The following NOTCH4 variants were observed in gnomAD, a reference collection of about 807,000 sequenced individuals.
The protein encoded by NOTCH4 is neurogenic locus notch homolog protein 4.
In NOTCH4, 138 loss-of-function variants were observed where a neutral mutation model predicts 189.0. The observed-to-expected ratio is 0.73, with a 90% CI of 0.64 to 0.84. The LOEUF (loss-of-function observed/expected upper bound fraction) is 0.84, where lower values mean the gene tolerates loss of function less well. Among genes scored for constraint, NOTCH4 ranks in the 40% least tolerant of loss-of-function variants. The pLI is 0.00. For synonymous variants in NOTCH4, 942 were observed against 1,032.8 expected (o/e 0.91, Z 1.69); for missense variants, 2,286 against 2,605.4 (o/e 0.88, Z 2.67).
rs888370535 is a variant in NOTCH4 at position 32,199,472 on chromosome 6, A to G, written c.4316-327T>C. Among the ~76,000 whole-genome samples the G allele has an allele frequency of 6.6e-6, 1 of 152,160 alleles. No individual in the cohort carries two copies. Among genetic ancestry groups the G allele is most frequent in the African/African-American group, 2.4e-5 (1 of 41,442 alleles). ...ATAATCTCAGCACTTTGGGAGGCTGAGGCGGGTGGATCATGAGGTCAGGAG... is the reference window on the plus strand; with the variant it reads ...ATAATCTCAGCACTTTGGGAGGCTGGGGCGGGTGGATCATGAGGTCAGGAG... On this transcript the variant is annotated intron_variant, in intron 23 of 29. Coordinates refer to ENST00000375023, the MANE Select transcript of NOTCH4 (RefSeq NM_004557.4). The surrounding 1 kb of genome is among the most constrained non-coding windows in gnomAD (Gnocchi z 4.9).
Position 32,195,868 on chromosome 6 carries a change from A to G in NOTCH4, c.5581T>C (p.Cys1861Arg), listed in dbSNP as rs1452063207. ...PPHGGGALPRCRTLSAGAGPR... is the reference protein window; with the variant it reads ...PPHGGGALPRRRTLSAGAGPR... ...CCTGCTCCGGCTGACAGCGTCCGGC[A>G]GCGCGGCAGAGCCCCGCCCCCATGC... is the stretch of plus-strand genomic sequence containing the variant. Residue 1861 changes from cysteine (C) to arginine (R), a missense_variant, in exon 30 of 30, where the codon TGC becomes CGC. Coordinates refer to ENST00000375023, the MANE Select transcript of NOTCH4 (RefSeq NM_004557.4). This position sits in a 1 kb window ranked among gnomAD's most constrained non-coding sequence, Gnocchi z 5.4. 7 of 1,594,190 alleles carry G rather than the reference A, an allele frequency of 4.4e-6. No individual in the cohort carries two copies. Among genetic ancestry groups the G allele is most frequent in the Non-Finnish European group, 5.9e-6 (7 of 1,177,282 alleles).
At position 32,217,957 on chromosome 6, in the gene NOTCH4, T is replaced by G. The variant is rs546161143; in HGVS notation, c.1624+38A>C. ...CCTGAACTCTGCAGGTTCAGAGGCCTGGGGTCTGAGGGTGGCCAGAGAGGC... is the reference window on the plus strand; with the variant it reads ...CCTGAACTCTGCAGGTTCAGAGGCCGGGGGTCTGAGGGTGGCCAGAGAGGC... On this transcript the variant is annotated intron_variant, in intron 9 of 29. Coordinates refer to ENST00000375023, the MANE Select transcript of NOTCH4 (RefSeq NM_004557.4). The surrounding 1 kb of genome is among the most constrained non-coding windows in gnomAD (Gnocchi z 4.2). 1.2e-5 allele frequency: 17 copies of G among 1,371,214 alleles called. No homozygotes were observed. The highest frequency in any genetic ancestry group is 1.8e-5 in the Non-Finnish European group (17 of 962,492). The allele number at this position is 1,371,214 out of a possible 1,614,324, so 84.9% of individuals were successfully genotyped here.
Position 32,223,793 on chromosome 6 carries a change from C to T in NOTCH4, c.73+63G>A. ...GGCCTGGGGCTTGGCCCTCTTCCCC[C>T]ACCCCACTGATCATCCTCCTAAGGG... is the stretch of plus-strand genomic sequence containing the variant. On this transcript the variant is annotated intron_variant, in intron 1 of 29. Transcript: ENST00000375023. 2.6e-6 allele frequency: 4 copies of T among 1,531,720 alleles called. No homozygotes were observed. In the South Asian group the frequency reaches 3.5e-5, roughly 13 times the overall value. 94.9% of individuals were successfully genotyped at this position (1,531,720 alleles called of 1,614,324 possible). A position where few individuals can be genotyped will look rare whatever the true frequency, so the allele number is the denominator to read the frequency against.
chr6:32,204,236 C>T lies in NOTCH4; in HGVS notation c.3019G>A (p.Val1007Met), dbSNP rs764666860. 23 of 1,612,948 alleles carry T rather than the reference C, an allele frequency of 1.4e-5. 1 individual carries two copies. In the Admixed American group the frequency reaches 2.0e-4, roughly 14 times the overall value. ...GFVGLRCEGD[V>M]DECLDQPCHP... ...CAGGGCTGGTCCAGACACTCGTCCA[C>T]GTCTCCCTCACAGCGTAGCCCCACA... The change falls in exon 19 of 30, where the codon GTG (valine) becomes ATG (methionine). Residue 1007 changes from valine (V) to methionine (M), a missense_variant. By Grantham distance (21) the Val-to-Met change is conservative. Around this residue, in one of 2 missense-constraint regions of NOTCH4, gnomAD observed 1,903 missense variants for 2,261.9 expected, o/e 0.84. Coordinates refer to ENST00000375023, the MANE Select transcript of NOTCH4 (RefSeq NM_004557.4).
rs1205469060 is a variant in NOTCH4 at position 32,210,995 on chromosome 6, T to A, written c.2681-59A>T. 2 of 1,489,924 alleles carry A rather than the reference T, an allele frequency of 1.3e-6. No individual in the cohort carries two copies. The highest frequency in any genetic ancestry group is 1.8e-6 in the Non-Finnish European group (2 of 1,110,428). The allele number at this position is 1,489,924 out of a possible 1,614,324, so 92.3% of individuals were successfully genotyped here. A position where few individuals can be genotyped will look rare whatever the true frequency, so the allele number is the denominator to read the frequency against. On this transcript the variant is annotated intron_variant, in intron 17 of 29. Transcript: ENST00000375023. This position sits in a 1 kb window ranked among gnomAD's most constrained non-coding sequence, Gnocchi z 4.8. ...TAAGTGGGGGGCCGGGCGCCATGGC[T>A]TACGCCTGTAATCCCAGCACTTTGG...
At chr6:32,211,499 A>G (rs1301132529) in intron 17 of NOTCH4, among the ~76,000 whole-genome samples, 2 of 151,870 alleles carry the variant, frequency 1.3e-5, no homozygotes, top group Non-Finnish European at 2.9e-5. Flanking sequence ...AAGCTGAGGC[A>G]GGAGAATCAC....
chr6:32,202,090 G>T lies in NOTCH4; in HGVS notation c.3741C>A (p.Thr1247=). The part of the protein sequence containing the change: ...ECLFDGYDCE[T]PPACTPAYDQ... ...TTCAGGCTCACGTGCAGGCTGGAGG[G>T]GTCTCACAGTCGTAGCCATCAAACA... The change falls in exon 21 of 30, where the codon ACC becomes ACA. Residue 1247 remains threonine, a synonymous_variant. Transcript: ENST00000375023. The surrounding 1 kb of genome is among the most constrained non-coding windows in gnomAD (Gnocchi z 5.7). 2.0e-6 allele frequency: 3 copies of T among 1,473,938 alleles called. No individual in the cohort carries two copies. Among genetic ancestry groups the T allele is most frequent in the Non-Finnish European group, 2.7e-6 (3 of 1,106,714 alleles). 91.3% of individuals were successfully genotyped at this position (1,473,938 alleles called of 1,614,324 possible).
chr6:32,196,932 ATC>A lies in NOTCH4; in HGVS notation c.5191_5192del (p.Asp1731Ter). On this transcript the variant is annotated frameshift_variant, in exon 28 of 30. Transcript: ENST00000375023. LOFTEE classifies it high-confidence loss of function. The stretch of plus-strand genomic sequence containing the variant: ...ACCCCTTCCTCTACATACCCCATTT[ATC>A]TCTGGCCCCCACGTCTGCTTGGGCT... ...IAAQADVGAR[D>X]KWGKTALHWA... The A allele has an allele frequency of 1.2e-6, 2 of 1,612,706 alleles. No homozygotes were observed. Among genetic ancestry groups the A allele is most frequent in the Non-Finnish European group, 1.7e-6 (2 of 1,179,976 alleles).
chr6:32,212,635 G>A lies in NOTCH4; in HGVS notation c.2527-8C>T, dbSNP rs770742362. On this transcript the variant is annotated splice_polypyrimidine_tract_variant and splice_region_variant and intron_variant, in intron 16 of 29. Transcript: ENST00000375023. The surrounding 1 kb of genome is among the most constrained non-coding windows in gnomAD (Gnocchi z 4.4). ...ACATAAGTCCATCAGAGTCTGAGGGGTGGGAGGGAGCGTGAGGCAGGACAT... is the reference window on the plus strand; with the variant it reads ...ACATAAGTCCATCAGAGTCTGAGGGATGGGAGGGAGCGTGAGGCAGGACAT... 27 of 1,607,766 alleles carry A rather than the reference G, an allele frequency of 1.7e-5. No individual in the cohort carries two copies. The East Asian group carries it at 5.4e-4, about 32-fold the overall frequency.
chr6:32,213,665 C>G, intron 14 of NOTCH4, 23 bp downstream of exon 14: 1 of 1,610,848 alleles, frequency 6.2e-7, no homozygotes, highest in South Asian at 1.1e-5. Context: ...GGACCCCAGC[C>G]CCATGACACA....
At chr6:32,208,104 A>G (rs1198502695) in intron 18 of NOTCH4, among the ~76,000 whole-genome samples, 1 of 152,216 alleles carries the variant, frequency 6.6e-6, no homozygotes, top group Non-Finnish European at 1.5e-5. Context: ...AACAAAGGCA[A>G]CAACAGACAA....
At position 32,220,887 on chromosome 6, in the gene NOTCH4, G is replaced by T. The variant is rs1446981092; in HGVS notation, c.800-9C>A. ...GTCTGGGCCTATGAAACCTGACAGG[G>T]TCATGGATCAGCTGTGGGAGGAGGC... On this transcript the variant is annotated splice_polypyrimidine_tract_variant and intron_variant, in intron 4 of 29. Coordinates refer to ENST00000375023, the MANE Select transcript of NOTCH4 (RefSeq NM_004557.4). The T allele has an allele frequency of 1.2e-6, 2 of 1,612,564 alleles. No individual in the cohort carries two copies. Among genetic ancestry groups the T allele is most frequent in the South Asian group, 2.2e-5 (2 of 90,802 alleles).
At chr6:32,214,484 T>TATATATATATATATATATATATATAC (rs28383875) in intron 12 of NOTCH4, among the ~76,000 whole-genome samples, 1,660 of 139,502 alleles carry the variant, frequency 0.012, 22 homozygotes, top group East Asian at 0.031. Context: ...TATATATATA[T>TATATATATATATATATATATATATAC]ACACACATAT....
Position 32,219,663 on chromosome 6 carries a change from A to G in NOTCH4, c.1439T>C (p.Leu480Pro). 1 of 1,612,978 alleles carries G rather than the reference A, an allele frequency of 6.2e-7. No homozygotes were observed. Among genetic ancestry groups the G allele is most frequent in the East Asian group, 2.2e-5 (1 of 44,872 alleles). The stretch of plus-strand genomic sequence containing the variant: ...GCTTCCTGGGTGGCAGGGCTGGGAG[A>G]GGCACTCATTGTGATCAGCCTCACA... ...SRCEADHNEC[L>P]SQPCHPGSTC... Residue 480 changes from leucine to proline, a missense_variant, in exon 8 of 30, where the codon CTC becomes CCC. Coordinates refer to ENST00000375023, the MANE Select transcript of NOTCH4 (RefSeq NM_004557.4).
intron 1 of NOTCH4, among the ~76,000 whole-genome samples, chr6:32,223,445 C>A (rs1392976649): frequency 6.6e-6 from 1 of 152,092 alleles, no homozygotes; most frequent in Non-Finnish European, 1.5e-5. Flanking sequence ...AGCATTGAGC[C>A]ATCCGGGGGG....
In NOTCH4 at chr6:32,217,958, G is replaced by T; in HGVS notation, c.1624+37C>A. 7.3e-7 allele frequency: 1 copy of T among 1,368,944 alleles called. No individual in the cohort carries two copies. Among genetic ancestry groups the T allele is most frequent in the Non-Finnish European group, 1.0e-6 (1 of 960,130 alleles). 84.8% of individuals were successfully genotyped at this position (1,368,944 alleles called of 1,614,324 possible). ...CTGAACTCTGCAGGTTCAGAGGCCT[G>T]GGGTCTGAGGGTGGCCAGAGAGGCA... On this transcript the variant is annotated intron_variant, in intron 9 of 29. Transcript: ENST00000375023. The surrounding 1 kb of genome is among the most constrained non-coding windows in gnomAD (Gnocchi z 4.2).
chr6:32,218,693 A>G (rs1042259767), intron 8 of NOTCH4, among the ~76,000 whole-genome samples: 3 of 152,112 alleles, frequency 2.0e-5, no homozygotes, highest in African/African-American at 4.8e-5. Context: ...GCTCCTTGAT[A>G]TCTACAATGT....
At chr6:32,215,828 CTCCTTCCTTCCTTCTTTCCT>C (rs1354670570) in intron 11 of NOTCH4, 2 of 155,242 alleles carry the variant, frequency 1.3e-5, no homozygotes, top group East Asian at 2.0e-4. Flanking sequence ...CTTCCCTTCT[CTCCTTCCTTCCTTCTTTCCT>C]TCCTTCCTTC....
At chr6:32,220,105 G>A in intron 7 of NOTCH4, 24 bp downstream of exon 7, 1 of 1,610,414 alleles carries the variant, frequency 6.2e-7, no homozygotes, top group Non-Finnish European at 8.5e-7. Flanking sequence ...GCTCAGAGAG[G>A]CTCTGAAGTG....
Sources: allele counts gnomAD v4.1 joint callset (sites outside exome capture counted in the v4.1 genomes callset), GRCh38; gene constraint gnomAD v4.1.1; regional missense constraint gnomAD v4.1.1; non-coding constraint Gnocchi (gnomAD v3.1); transcripts MANE v1.5; gene names NCBI Gene and HGNC (gene_info 2026-07-23, HGNC 2026-07-21).